XYLB: variants seen among roughly 807,000 people sequenced by gnomAD.
XYLB encodes xylulokinase.
XYLB carries 62 observed loss-of-function variants against 78.7 expected under a neutral mutation model. That is an observed-to-expected ratio of 0.79 (90% CI 0.64 to 0.97). The LOEUF (loss-of-function observed/expected upper bound fraction) is 0.97. Among genes scored for constraint, XYLB ranks in the 50% least tolerant of loss-of-function variants. The pLI, the probability that XYLB is intolerant of heterozygous loss-of-function variation, is 0.00. For missense variants in XYLB, 687 were observed against 676.8 expected, an observed-to-expected ratio of 1.02 and a Z score of -0.17; for synonymous variants, 245 against 247.4, an observed-to-expected ratio of 0.99 and a Z score of 0.09.
At position 38,404,588 on chromosome 3, in the gene XYLB, G is replaced by A. The variant is rs147915786; in HGVS notation, c.1533+3603G>A. Among the ~76,000 whole-genome samples, 242 of 152,262 alleles carry A rather than the reference G, an allele frequency of 1.6e-3. 1 individual carries two copies. Among genetic ancestry groups the A allele is most frequent in the African/African-American group, 4.6e-3 (192 of 41,562 alleles). On this transcript the variant is annotated intron_variant, in intron 18 of 18. Coordinates refer to ENST00000207870, the MANE Select transcript of XYLB (RefSeq NM_005108.4). ...TCCCAGCACTTTCGGAGGCCGAGGC[G>A]GATGGATCACATGAGGTCAGGAGTT...
intron 15 of XYLB, among the ~76,000 whole-genome samples, chr3:38,381,511 C>T (rs1240419198): frequency 6.6e-6 from 1 of 152,198 alleles, no homozygotes; most frequent in Non-Finnish European, 1.5e-5. Context: ...TGCTGGTGAG[C>T]TGGGCAGAAC....
chr3:38,365,509 G>A (rs954003924), intron 5 of XYLB, 99 bp from the exon 6 acceptor site: 46 of 1,532,600 alleles, frequency 3.0e-5, no homozygotes, highest in African/African-American at 6.9e-5. Context: ...GGGAAGAAGC[G>A]TCATGACTGC....
At chr3:38,441,917 A>G in the XYLB span, among the ~76,000 whole-genome samples, 12 of 152,120 alleles carry the variant, frequency 7.9e-5, no homozygotes, top group Non-Finnish European at 2.9e-5. Flanking sequence ...GTCCTGTGGG[A>G]AGGCTTAAGG....
intron 2 of XYLB, chr3:38,355,863 T>G: frequency 1.4e-6 from 1 of 691,682 alleles, no homozygotes; most frequent in South Asian, 1.5e-5. Flanking sequence ...TGATTGTGCT[T>G]TACATGAGGA....
intron 5 of XYLB, 102 bp downstream of exon 5, chr3:38,365,387 C>T (rs569657182): frequency 8.4e-5 from 117 of 1,399,480 alleles, no homozygotes; most frequent in South Asian, 3.9e-4. Context: ...TGTGCTCACG[C>T]GCCCTCACCA....
At chr3:38,384,326 A>C (rs1707286865) in intron 15 of XYLB, among the ~76,000 whole-genome samples, 1 of 152,182 alleles carries the variant, frequency 6.6e-6, no homozygotes, top group Non-Finnish European at 1.5e-5. Flanking sequence ...TCGGCCTCCC[A>C]AAGTGCTGGG....
In XYLB at chr3:38,395,582, C is replaced by T. The variant is rs373795609; in HGVS notation, c.1350+19C>T. 23 of 1,612,720 alleles carry T rather than the reference C, an allele frequency of 1.4e-5. No homozygotes were observed. The South Asian group carries it at 1.8e-4, about 12-fold the overall frequency. ...CTTACAGGTAAGCGTTAGTAGTGGG[C>T]CTTACACCATGGCCTCTCCCATATC... On this transcript the variant is annotated intron_variant, in intron 16 of 18. Transcript: ENST00000207870.
chr3:38,404,335 T>C (rs1366019821), intron 18 of XYLB, among the ~76,000 whole-genome samples: 5 of 152,164 alleles, frequency 3.3e-5, no homozygotes, highest in Non-Finnish European at 7.4e-5. Context: ...GTCACCCTCA[T>C]TTGGAAGAGC....
chr3:38,447,422 G>A, the XYLB span, among the ~76,000 whole-genome samples: 1 of 150,802 alleles, frequency 6.6e-6, no homozygotes, highest in Non-Finnish European at 1.5e-5. Flanking sequence ...TCCCACTTCA[G>A]CCTCCTGAAG....
At chr3:38,427,408 G>C in the XYLB span, among the ~76,000 whole-genome samples, 2 of 152,126 alleles carry the variant, frequency 1.3e-5, no homozygotes, top group African/African-American at 4.8e-5. Context: ...TATTATCCTT[G>C]CATGTCTGTA....
intron 17 of XYLB, 21 bp downstream of exon 17, chr3:38,397,180 A>G (rs1396945300): frequency 1.9e-6 from 3 of 1,612,742 alleles, no homozygotes; most frequent in Non-Finnish European, 2.5e-6. Flanking sequence ...GGAGGGAGAC[A>G]GCTATCTCTG....
At chr3:38,354,942 A>G (rs1575453099) in intron 2 of XYLB, among the ~76,000 whole-genome samples, 1 of 152,294 alleles carries the variant, frequency 6.6e-6, no homozygotes, top group East Asian at 1.9e-4. Context: ...TGAATACTTC[A>G]CATGTGTTTT....
intron 15 of XYLB, among the ~76,000 whole-genome samples, chr3:38,391,899 A>G (rs1207420312): frequency 5.9e-5 from 9 of 152,224 alleles, no homozygotes. Context: ...AGAGGAATCA[A>G]GCTTTTTTCT....
chr3:38,362,321 C>T (rs1706016474), intron 3 of XYLB, among the ~76,000 whole-genome samples: 1 of 152,200 alleles, frequency 6.6e-6, no homozygotes, highest in African/African-American at 2.4e-5. Context: ...TCACTATAGC[C>T]TCAATCTCCT....
chr3:38,360,277 C>T, intron 2 of XYLB, 62 bp from the exon 3 acceptor site: 1 of 1,493,998 alleles, frequency 6.7e-7, no homozygotes, highest in African/African-American at 1.4e-5. Context: ...AGGGTTTCTC[C>T]TGGCTTTGCA....
At chr3:38,358,422 G>T (rs1705795900) in intron 2 of XYLB, among the ~76,000 whole-genome samples, 1 of 145,384 alleles carries the variant, frequency 6.9e-6, no homozygotes, top group Non-Finnish European at 1.5e-5. Context: ...TCAGCTCATT[G>T]CATCCTCCGC....
intron 18 of XYLB, among the ~76,000 whole-genome samples, chr3:38,406,851 C>G (rs1381895648): frequency 6.6e-6 from 1 of 152,084 alleles, no homozygotes; most frequent in Non-Finnish European, 1.5e-5. Flanking sequence ...TAAAAAGAAA[C>G]AAGCAAAGCC....
At chr3:38,384,889 A>C (rs2125624309) in intron 15 of XYLB, among the ~76,000 whole-genome samples, 1 of 152,348 alleles carries the variant, frequency 6.6e-6, no homozygotes, top group East Asian at 1.9e-4. Context: ...TTTCCATAAC[A>C]GTATGTACAG....
At chr3:38,356,350 G>A (rs982653998) in intron 2 of XYLB, 1 of 152,608 alleles carries the variant, frequency 6.6e-6, no homozygotes, top group East Asian at 1.9e-4. Context: ...GATGGTTTTA[G>A]TATATTCAAA....
Sources: allele counts gnomAD v4.1 joint callset (sites outside exome capture counted in the v4.1 genomes callset), GRCh38; gene constraint gnomAD v4.1.1; transcripts MANE v1.5; gene names NCBI Gene and HGNC (gene_info 2026-07-23, HGNC 2026-07-21).